POU2AF2: variants seen among roughly 807,000 people sequenced by gnomAD.
POU2AF2 encodes POU class 2 homeobox associating factor 2, also known as POU domain class 2-associating factor 2.
the POU2AF2 span, chr11:111,284,087 A>G: frequency 6.2e-7 from 1 of 1,610,158 alleles, no homozygotes; most frequent in Non-Finnish European, 8.5e-7. Flanking sequence ...TTCGCCGGTC[A>G]CGTCAGGTTA....
At chr11:111,269,061 C>T in the POU2AF2 span, among the ~76,000 whole-genome samples, 2 of 152,022 alleles carry the variant, frequency 1.3e-5, no homozygotes, top group Admixed American at 1.3e-4. Flanking sequence ...TGAAATTTTG[C>T]AAGGTTATTG....
chr11:111,248,940 C>T, the POU2AF2 span, among the ~76,000 whole-genome samples: 1 of 152,286 alleles, frequency 6.6e-6, no homozygotes, highest in East Asian at 1.9e-4. Context: ...AAGGTAACAT[C>T]ACCATTAAGT....
chr11:111,250,555 C>T, the POU2AF2 span, among the ~76,000 whole-genome samples: 2 of 152,326 alleles, frequency 1.3e-5, no homozygotes, highest in South Asian at 4.1e-4. Context: ...TAAAAACAAG[C>T]AAAGCCCCCA....
chr11:111,252,269 G>T, the POU2AF2 span, among the ~76,000 whole-genome samples: 2 of 152,144 alleles, frequency 1.3e-5, no homozygotes, highest in East Asian at 3.9e-4. Flanking sequence ...CCTTCTAAAG[G>T]CCTTACTCAT....
chr11:111,271,319 A>G, the POU2AF2 span, among the ~76,000 whole-genome samples: 2 of 151,930 alleles, frequency 1.3e-5, no homozygotes, highest in African/African-American at 4.8e-5. Context: ...GCAAAACTCC[A>G]TCTCAAAAAA....
chr11:111,245,834 A>G, the POU2AF2 span: 1 of 399,014 alleles, frequency 2.5e-6, no homozygotes, highest in Admixed American at 4.4e-5. Flanking sequence ...TAAGAAGGAA[A>G]TCCACCAGAA....
At chr11:111,268,377 A>C in the POU2AF2 span, among the ~76,000 whole-genome samples, 1 of 151,716 alleles carries the variant, frequency 6.6e-6, no homozygotes, top group African/African-American at 2.4e-5. Flanking sequence ...ACCCTACAAC[A>C]TGTTTTGATT....
At chr11:111,255,909 C>A in the POU2AF2 span, 1 of 398,460 alleles carries the variant, frequency 2.5e-6, no homozygotes, top group Non-Finnish European at 4.4e-6. Context: ...ATGATCAGCC[C>A]CCTAAACATG....
the POU2AF2 span, among the ~76,000 whole-genome samples, chr11:111,275,053 T>A: frequency 1.2e-4 from 19 of 152,354 alleles, 1 homozygote; most frequent in South Asian, 3.7e-3. Context: ...TTTATGAAAT[T>A]ACTATAAGTA....
the POU2AF2 span, chr11:111,284,288 A>C: frequency 6.2e-7 from 1 of 1,613,490 alleles, no homozygotes; most frequent in Middle Eastern, 1.7e-4. Context: ...TCCGGCGCTG[A>C]CGCCCAACGC....
At chr11:111,268,074 A>T in the POU2AF2 span, among the ~76,000 whole-genome samples, 9 of 152,224 alleles carry the variant, frequency 5.9e-5, no homozygotes, top group Non-Finnish European at 1.2e-4. Context: ...TAAGAGCAAA[A>T]ACTGGTACAC....
the POU2AF2 span, among the ~76,000 whole-genome samples, chr11:111,259,466 C>T: frequency 2.6e-5 from 4 of 152,092 alleles, no homozygotes; most frequent in Non-Finnish European, 5.9e-5. Flanking sequence ...CAGGTGTGTG[C>T]CACCATGCCT....
At chr11:111,286,103 C>T in the POU2AF2 span, 29 of 1,588,278 alleles carry the variant, frequency 1.8e-5, no homozygotes, top group Non-Finnish European at 2.4e-5. Context: ...GAGGTGTATT[C>T]CAAAGATTGT....
the POU2AF2 span, among the ~76,000 whole-genome samples, chr11:111,248,211 TA>T: frequency 6.6e-6 from 1 of 152,174 alleles, no homozygotes; most frequent in Non-Finnish European, 1.5e-5. Context: ...GTGAAACCAC[TA>T]ACCCTGAGTT....
the POU2AF2 span, among the ~76,000 whole-genome samples, chr11:111,270,187 G>A: frequency 6.6e-6 from 1 of 152,072 alleles, no homozygotes; most frequent in African/African-American, 2.4e-5. Flanking sequence ...AATTTGCTAT[G>A]GCATTTTATT....
the POU2AF2 span, among the ~76,000 whole-genome samples, chr11:111,270,884 C>T: frequency 6.6e-6 from 1 of 152,146 alleles, no homozygotes; most frequent in African/African-American, 2.4e-5. Flanking sequence ...AAATCCCAGC[C>T]CTACTGAGGG....
the POU2AF2 span, among the ~76,000 whole-genome samples, chr11:111,259,414 C>T: frequency 2.0e-4 from 31 of 151,358 alleles, no homozygotes; most frequent in African/African-American, 7.3e-4. Flanking sequence ...CTCCCGGGCT[C>T]AAGCAATTCT....
chr11:111,255,066 C>A, the POU2AF2 span, among the ~76,000 whole-genome samples: 7 of 152,192 alleles, frequency 4.6e-5, no homozygotes, highest in African/African-American at 1.4e-4. Flanking sequence ...ATAAGGTTCT[C>A]ACTATCCCTA....
At chr11:111,283,953 T>C in the POU2AF2 span, 1 of 818,380 alleles carries the variant, frequency 1.2e-6, no homozygotes, top group Non-Finnish European at 2.0e-6. Context: ...TCTATTTCCA[T>C]GTTAGCGTTG....
Sources: gnomAD v4.1 joint callset for allele counts (sites outside exome capture counted in the v4.1 genomes callset) on GRCh38, gnomAD v4.1.1 for gene constraint, MANE v1.5 for transcripts, NCBI Gene and HGNC (gene_info 2026-07-23, HGNC 2026-07-21) for gene names.